Variants in SYT7 observed in about 807,000 individuals in gnomAD.
SYT7 encodes the protein synaptotagmin-7.
SYT7 carries 29 observed loss-of-function variants against 75.1 expected under a neutral mutation model. That is an observed-to-expected ratio of 0.39 (90% CI 0.29 to 0.53). SYT7 has a LOEUF of 0.53. SYT7 is among the 20% of genes least tolerant of loss of function. SYT7 has a pLI of 0.77. For synonymous variants in SYT7, 376 were observed against 401.7 expected, an observed-to-expected ratio of 0.94 and a Z score of 0.76; for missense variants, 693 against 953.2, an observed-to-expected ratio of 0.73 and a Z score of 3.59.
At position 61,537,735 on chromosome 11, in the gene SYT7, G is replaced by A. The variant is rs889022635; in HGVS notation, c.1064+409C>T. Among the ~76,000 whole-genome samples the A allele has an allele frequency of 3.3e-5, 5 of 152,182 alleles. No homozygotes were observed. In the East Asian group the frequency reaches 5.8e-4, roughly 18 times the overall value. On this transcript the variant is annotated intron_variant, in intron 7 of 12. Transcript: ENST00000539008. ...TGAGGGGGTGGGGATGAGGGAGAAC[G>A]GGCTGGCGCCCCTTCCCTTACATCC...
chr11:61,577,969 G>A (rs1040729109), intron 1 of SYT7, among the ~76,000 whole-genome samples: 1 of 152,178 alleles, frequency 6.6e-6, no homozygotes, highest in Non-Finnish European at 1.5e-5. Flanking sequence ...CAAGCAGTCC[G>A]AGAGAAACAG....
intron 8 of SYT7, among the ~76,000 whole-genome samples, chr11:61,528,887 G>A (rs530190561): frequency 3.3e-4 from 51 of 152,276 alleles, no homozygotes; most frequent in Admixed American, 1.2e-3. Context: ...TACCGTCCAT[G>A]GGGGCTGAGG....
chr11:61,517,844 G>A lies in SYT7; in HGVS notation c.*783C>T, dbSNP rs924188096. 2 of 312,200 alleles carry A rather than the reference G, an allele frequency of 6.4e-6. No individual in the cohort carries two copies. The highest frequency in any genetic ancestry group is 1.2e-5 in the Non-Finnish European group (2 of 172,030). 19.3% of individuals were successfully genotyped at this position (312,200 alleles called of 1,614,324 possible). A position where few individuals can be genotyped will look rare whatever the true frequency, so the allele number is the denominator to read the frequency against. On this transcript the variant is annotated 3_prime_UTR_variant, in exon 13 of 13. Transcript: ENST00000539008. ...CAGAGGGGGGCACCAAGGGGAGAAG[G>A]GGAGGAGACGGGGGGATGGCAGGAG...
intron 1 of SYT7, among the ~76,000 whole-genome samples, chr11:61,564,811 G>GCCCAGGCATT (rs2063724853): frequency 6.6e-6 from 1 of 152,150 alleles, no homozygotes. Context: ...ACCTTTTCTG[G>GCCCAGGCATT]GGCTCCTTCC....
chr11:61,523,951 A>G lies in SYT7; in HGVS notation c.1642-10T>C. 6.2e-7 allele frequency: 1 copy of G among 1,612,854 alleles called. No homozygotes were observed. The highest frequency in any genetic ancestry group is 1.1e-5 in the South Asian group (1 of 91,054). On this transcript the variant is annotated splice_polypyrimidine_tract_variant and intron_variant, in intron 10 of 12. Transcript: ENST00000539008. This position sits in a 1 kb window ranked among gnomAD's most constrained non-coding sequence, Gnocchi z 5.0. The stretch of plus-strand genomic sequence containing the variant: ...GCTCCCCTCGGCTCCCCTGGGAGGC[A>G]CGACAGGAGGGGTGTGGGGAACTAG...
intron 1 of SYT7, among the ~76,000 whole-genome samples, chr11:61,568,101 C>A (rs553138184): frequency 6.6e-6 from 1 of 152,188 alleles, no homozygotes; most frequent in Non-Finnish European, 1.5e-5. Flanking sequence ...ACCTCTCCCC[C>A]ACCCAAACAA....
At chr11:61,559,703 CT>C (rs549568500) in intron 1 of SYT7, among the ~76,000 whole-genome samples, 16 of 152,238 alleles carry the variant, frequency 1.1e-4, no homozygotes, top group Admixed American at 9.8e-4. Context: ...GAGCTCCCTC[CT>C]TTTTTGTCAA....
chr11:61,523,306 A>G lies in SYT7; in HGVS notation c.1757-32T>C. The stretch of plus-strand genomic sequence containing the variant: ...GAGGGAGTGGGGAAGGGTTAGAGGG[A>G]CCGTGGGGGAGGGACTTCCTAGGAT... On this transcript the variant is annotated intron_variant, in intron 11 of 12. Coordinates refer to ENST00000539008, the MANE Select transcript of SYT7 (RefSeq NM_001365809.2). The surrounding 1 kb of genome is among the most constrained non-coding windows in gnomAD (Gnocchi z 5.0). 6.3e-7 allele frequency: 1 copy of G among 1,599,900 alleles called. No homozygotes were observed. Among genetic ancestry groups the G allele is most frequent in the Non-Finnish European group, 8.6e-7 (1 of 1,167,496 alleles).
At position 61,553,154 on chromosome 11, in the gene SYT7, A is replaced by G. The variant is rs1010506539; in HGVS notation, c.136-1691T>C. The stretch of plus-strand genomic sequence containing the variant: ...TGGGTTCACAAAAGCTGCCACTCAC[A>G]GCTCCAACTCCGATCCCTCCCATCA... On this transcript the variant is annotated intron_variant, in intron 2 of 12. Coordinates refer to ENST00000539008, the MANE Select transcript of SYT7 (RefSeq NM_001365809.2). This position sits in a 1 kb window ranked among gnomAD's most constrained non-coding sequence, Gnocchi z 5.2. Among the ~76,000 whole-genome samples the G allele has an allele frequency of 6.6e-6, 1 of 152,148 alleles. No homozygotes were observed. Among genetic ancestry groups the G allele is most frequent in the Non-Finnish European group, 1.5e-5 (1 of 68,014 alleles).
At chr11:61,540,586 G>A in intron 6 of SYT7, 1 of 985,534 alleles carries the variant, frequency 1.0e-6, no homozygotes, top group Non-Finnish European at 1.2e-6. Flanking sequence ...CAGGGACAGA[G>A]GATGCTGTTG....
rs577888300 is a variant in SYT7, at chr11:61,580,934, G to GC, written c.-115dup. The stretch of plus-strand genomic sequence containing the variant: ...GCGACCCCCGGGGGCGGGTCCGAGG[G>GC]CGGGGGCCGAGCGGGCTGCACCTAG... On this transcript the variant is annotated 5_prime_UTR_variant, in exon 1 of 13. Coordinates refer to ENST00000539008, the MANE Select transcript of SYT7 (RefSeq NM_001365809.2). The surrounding 1 kb of genome is among the most constrained non-coding windows in gnomAD (Gnocchi z 6.1). The GC allele has an allele frequency of 6.9e-4, 706 of 1,022,294 alleles. 35 individuals are homozygous for GC. In the East Asian group the frequency reaches 0.047, roughly 68 times the overall value. The allele number at this position is 1,022,294 out of a possible 1,614,324, so 63.3% of individuals were successfully genotyped here.
rs1055992173 is a variant in SYT7, at chr11:61,580,729, G to T, written c.31+61C>A. The stretch of plus-strand genomic sequence containing the variant: ...AGGCTGGGGCTCCGAGACGGCGTCC[G>T]GCGCTGCCGCTGTCCTGCCCGCCGG... On this transcript the variant is annotated intron_variant, in intron 1 of 12. Coordinates refer to ENST00000539008, the MANE Select transcript of SYT7 (RefSeq NM_001365809.2). This position sits in a 1 kb window ranked among gnomAD's most constrained non-coding sequence, Gnocchi z 6.1. The T allele has an allele frequency of 6.4e-5, 72 of 1,127,004 alleles. No homozygotes were observed. Among genetic ancestry groups the T allele is most frequent in the Non-Finnish European group, 7.9e-5 (71 of 897,396 alleles). 69.8% of individuals were successfully genotyped at this position (1,127,004 alleles called of 1,614,324 possible).
intron 9 of SYT7, among the ~76,000 whole-genome samples, chr11:61,525,435 C>G (rs2062484938): frequency 6.6e-6 from 1 of 152,042 alleles, no homozygotes; most frequent in East Asian, 1.9e-4. Context: ...TCCTTCCTGG[C>G]CCTTCAACAC....
chr11:61,540,518 T>C, intron 6 of SYT7: 1 of 985,500 alleles, frequency 1.0e-6, no homozygotes, highest in African/African-American at 1.7e-5. Context: ...ACCCTTGAGG[T>C]GAGCTCTGGA....
intron 8 of SYT7, among the ~76,000 whole-genome samples, chr11:61,532,149 G>C (rs2062732053): frequency 6.6e-6 from 1 of 152,152 alleles, no homozygotes; most frequent in Non-Finnish European, 1.5e-5. Context: ...CTCTACAGAA[G>C]GGAGGGGTTG....
chr11:61,555,033 C>G (rs1327744853), intron 2 of SYT7, among the ~76,000 whole-genome samples: 1 of 152,222 alleles, frequency 6.6e-6, no homozygotes, highest in Non-Finnish European at 1.5e-5. Flanking sequence ...ACCCCAAAAC[C>G]TTTTCCCAGG....
intron 1 of SYT7, among the ~76,000 whole-genome samples, chr11:61,575,450 G>A (rs1044225968): frequency 1.3e-5 from 2 of 152,174 alleles, no homozygotes; most frequent in Admixed American, 6.5e-5. Context: ...ACACACAGGC[G>A]AGATCAGTTT....
At position 61,542,197 on chromosome 11, in the gene SYT7, A is replaced by C. The variant is rs1397244127; in HGVS notation, c.941+14T>G. The C allele has an allele frequency of 6.5e-7, 1 of 1,531,538 alleles. No individual in the cohort carries two copies. Among genetic ancestry groups the C allele is most frequent in the Non-Finnish European group, 8.7e-7 (1 of 1,144,956 alleles). The allele number at this position is 1,531,538 out of a possible 1,614,324, so 94.9% of individuals were successfully genotyped here. The stretch of plus-strand genomic sequence containing the variant: ...AGGGAGGTGGGGGCCGGCCCGCTCA[A>C]GGGGAGGACTTACAGGAAGGATTTC... On this transcript the variant is annotated intron_variant, in intron 6 of 12. Transcript: ENST00000539008. This position sits in a 1 kb window ranked among gnomAD's most constrained non-coding sequence, Gnocchi z 7.8.
chr11:61,530,052 C>T (rs2062655530), intron 8 of SYT7, among the ~76,000 whole-genome samples: 1 of 152,180 alleles, frequency 6.6e-6, no homozygotes, highest in African/African-American at 2.4e-5. Flanking sequence ...GGCAAGCACT[C>T]CCGCTGGAAC....
Sources: gnomAD v4.1 joint callset for allele counts (sites outside exome capture counted in the v4.1 genomes callset) on GRCh38, gnomAD v4.1.1 for gene constraint, Gnocchi (gnomAD v3.1) non-coding constraint, MANE v1.5 for transcripts, NCBI Gene and HGNC (gene_info 2026-07-23, HGNC 2026-07-21) for gene names.